CD38: variants seen among roughly 807,000 people sequenced by gnomAD.
CD38 encodes the protein CD38 molecule, also known as ADP-ribosyl cyclase/cyclic ADP-ribose hydrolase 1.
In CD38, 31 loss-of-function variants were observed where a neutral mutation model predicts 36.3. The observed-to-expected ratio is 0.85, with a 90% CI of 0.64 to 1.15. The LOEUF is 1.15. CD38 is among the 50% of genes most tolerant of loss of function. The pLI, the probability that CD38 is intolerant of heterozygous loss-of-function variation, is 0.00. For synonymous variants in CD38, 131 were observed against 135.2 expected (o/e 0.97, Z 0.22); for missense variants, 380 against 371.9 (o/e 1.02, Z -0.18).
intron 1 of CD38, among the ~76,000 whole-genome samples, chr4:15,785,271 A>G (rs1293531687): frequency 6.6e-6 from 1 of 152,138 alleles, no homozygotes; most frequent in Non-Finnish European, 1.5e-5. Flanking sequence ...ATCAGGGAGA[A>G]TACAGCCAGG....
intron 1 of CD38, among the ~76,000 whole-genome samples, chr4:15,813,274 A>T (rs1021066890): frequency 6.6e-5 from 10 of 151,786 alleles, no homozygotes; most frequent in Non-Finnish European, 1.0e-4. Flanking sequence ...GAATTTTATC[A>T]GGTTGAGGAA....
rs1037516519 is a variant in CD38 at position 15,841,601 on chromosome 4, G to A, written c.839+1063G>A. Among the ~76,000 whole-genome samples the A allele has an allele frequency of 2.0e-5, 3 of 148,944 alleles. 1 individual carries two copies. Among genetic ancestry groups the A allele is most frequent in the African/African-American group, 5.2e-5 (2 of 38,450 alleles). ...ACAGCTCCGGTCTACAGCTCCCAGC[G>A]TGAGCGACGCAGAAGACGGGTGATT... On this transcript the variant is annotated intron_variant, in intron 7 of 7. Coordinates refer to ENST00000226279, the MANE Select transcript of CD38 (RefSeq NM_001775.4).
At chr4:15,841,619 G>A (rs1462841257) in intron 7 of CD38, among the ~76,000 whole-genome samples, 1 of 150,250 alleles carries the variant, frequency 6.7e-6, no homozygotes, top group Non-Finnish European at 1.5e-5. Context: ...CGCAGAAGAC[G>A]GGTGATTTCT....
At chr4:15,791,308 T>G (rs1394596319) in intron 1 of CD38, among the ~76,000 whole-genome samples, 20 of 35,586 alleles carry the variant, frequency 5.6e-4, no homozygotes, top group Admixed American at 1.0e-3. Flanking sequence ...GGAGGGGGGG[T>G]CAGCCCCCTG....
chr4:15,791,830 G>A lies in CD38; in HGVS notation c.233+13183G>A. 2.2e-5 allele frequency among the ~76,000 whole-genome samples: 2 copies of A among 91,398 alleles called. 1 individual carries two copies. The highest frequency in any genetic ancestry group is 1.7e-4 in the Admixed American group (2 of 12,012). 60.0% of individuals were successfully genotyped at this position (91,398 alleles called of 152,430 possible). ...GGGTCAGCCCCCCGCCCGGCCAGCC[G>A]CCCTATCCAGGAGGTGAGGGGCGCC... is the stretch of plus-strand genomic sequence containing the variant. On this transcript the variant is annotated intron_variant, in intron 1 of 7. Transcript: ENST00000226279.
intron 1 of CD38, among the ~76,000 whole-genome samples, chr4:15,798,505 C>T (rs1257698206): frequency 6.6e-6 from 1 of 152,180 alleles, no homozygotes; most frequent in Non-Finnish European, 1.5e-5. Flanking sequence ...AATTGGGCCA[C>T]ACGGTTACCC....
chr4:15,805,047 C>T (rs1346100600), intron 1 of CD38, among the ~76,000 whole-genome samples: 1 of 152,126 alleles, frequency 6.6e-6, no homozygotes, highest in Non-Finnish European at 1.5e-5. Context: ...TGTGCAATTA[C>T]ATGTCATTTA....
At chr4:15,793,258 A>AT (rs147760437) in intron 1 of CD38, among the ~76,000 whole-genome samples, 1,791 of 151,772 alleles carry the variant, frequency 0.012, 33 homozygotes, top group African/African-American at 0.038. Flanking sequence ...TAACTTTCTG[A>AT]TTTTTTTAGT....
Position 15,848,637 on chromosome 4 carries a change from C to T in CD38, c.*35C>T. 4 of 1,571,434 alleles carry T rather than the reference C, an allele frequency of 2.5e-6. No homozygotes were observed. In the South Asian group the frequency reaches 4.4e-5, roughly 17 times the overall value. ...TGTGGTTGTTTTAGCTCCTTGACTC[C>T]TTGTGGTTTATGTCATCATACATGA... On this transcript the variant is annotated 3_prime_UTR_variant, in exon 8 of 8. Transcript: ENST00000226279.
At chr4:15,783,667 C>G (rs1722745601) in intron 1 of CD38, among the ~76,000 whole-genome samples, 1 of 152,210 alleles carries the variant, frequency 6.6e-6, no homozygotes. Context: ...GAGACTTAAT[C>G]AGAGAAAATC....
chr4:15,787,885 G>C (rs925667505), intron 1 of CD38, among the ~76,000 whole-genome samples: 1 of 152,180 alleles, frequency 6.6e-6, no homozygotes, highest in Non-Finnish European at 1.5e-5. Context: ...TTGTTGTTCC[G>C]CCGTGCAGGG....
At chr4:15,779,882 A>G (rs771501138) in intron 1 of CD38, among the ~76,000 whole-genome samples, 5 of 152,078 alleles carry the variant, frequency 3.3e-5, no homozygotes, top group Non-Finnish European at 5.9e-5. Flanking sequence ...TTGACAGCCC[A>G]TAGTATTTCA....
chr4:15,835,321 T>C lies in CD38; in HGVS notation c.585+1019T>C, dbSNP rs368357884. ...TTCTGGCTTACTTCACTTAACATAA[T>C]GCCCTCCAGTTCCTTCCATGTTGCT... is the stretch of plus-strand genomic sequence containing the variant. On this transcript the variant is annotated intron_variant, in intron 4 of 7. Transcript: ENST00000226279. 4.0e-5 allele frequency among the ~76,000 whole-genome samples: 6 copies of C among 149,940 alleles called. No individual in the cohort carries two copies. The East Asian group carries it at 7.8e-4, about 20-fold the overall frequency.
At chr4:15,779,413 A>C (rs1577627555) in intron 1 of CD38, among the ~76,000 whole-genome samples, 1 of 152,168 alleles carries the variant, frequency 6.6e-6, no homozygotes, top group Non-Finnish European at 1.5e-5. Context: ...AACCTCTCCT[A>C]AAGGGAACAA....
At chr4:15,802,487 G>GTTTTT (rs1553873239) in intron 1 of CD38, among the ~76,000 whole-genome samples, 1 of 122,178 alleles carries the variant, frequency 8.2e-6, no homozygotes, top group Non-Finnish European at 1.9e-5. Context: ...CAAAGCAATT[G>GTTTTT]TTTGTTTTAT....
chr4:15,824,735 A>G, intron 2 of CD38, 146 bp from the exon 3 acceptor site: 1 of 681,808 alleles, frequency 1.5e-6, no homozygotes, highest in Non-Finnish European at 2.6e-6. Context: ...CACAGAAATC[A>G]TTGATGCTTA....
intron 1 of CD38, among the ~76,000 whole-genome samples, chr4:15,780,269 C>T (rs1722662117): frequency 6.6e-6 from 1 of 152,160 alleles, no homozygotes; most frequent in South Asian, 2.1e-4. Context: ...CTCCCATCAT[C>T]AGTCTATCAG....
Position 15,780,536 on chromosome 4 carries a change from A to ACACACACACACACACG in CD38, c.233+1904_233+1905insGCACACACACACACAC, listed in dbSNP as rs1560303839. 2.2e-3 allele frequency among the ~76,000 whole-genome samples: 330 copies of ACACACACACACACACG among 148,802 alleles called. 8 individuals are homozygous for ACACACACACACACACG. The highest frequency in any genetic ancestry group is 7.9e-3 in the African/African-American group (315 of 39,938). ...CTCTCTCTCACACACACACACACAC[A>ACACACACACACACACG]CACACACACACACACACACACACAC... On this transcript the variant is annotated intron_variant, in intron 1 of 7. Coordinates refer to ENST00000226279, the MANE Select transcript of CD38 (RefSeq NM_001775.4).
chr4:15,785,389 C>G (rs1194643792), intron 1 of CD38, among the ~76,000 whole-genome samples: 1 of 152,146 alleles, frequency 6.6e-6, no homozygotes, highest in African/African-American at 2.4e-5. Context: ...ATACCTATTT[C>G]TATACCTTTT....
Sources: gnomAD v4.1 joint callset for allele counts (sites outside exome capture counted in the v4.1 genomes callset) on GRCh38, gnomAD v4.1.1 for gene constraint, MANE v1.5 for transcripts, NCBI Gene and HGNC (gene_info 2026-07-23, HGNC 2026-07-21) for gene names.